Variants in SYN3 observed in about 807,000 individuals in gnomAD.
The protein encoded by SYN3 is synapsin-3.
Under a neutral mutation model 65.8 loss-of-function variants are expected in SYN3, and 35 were observed. The ratio of observed to expected loss-of-function variants is 0.53; its 90% CI spans 0.41 to 0.70. SYN3 has a LOEUF of 0.70. Ranked by LOEUF, SYN3 falls within the 30% of genes least tolerant of loss-of-function variation. The probability of loss-of-function intolerance (pLI) is 0.00; values close to 1 mark genes in which losing one functional copy is unlikely to be tolerated. For synonymous variants in SYN3, 270 were observed against 292.9 expected (o/e 0.92, Z 0.80); for missense variants, 680 against 749.0 (o/e 0.91, Z 1.08).
At chr22:32,568,976 TCCC>T (rs1456177594) in intron 7 of SYN3, among the ~76,000 whole-genome samples, 1 of 152,198 alleles carries the variant, frequency 6.6e-6, no homozygotes, top group Non-Finnish European at 1.5e-5. Context: ...CACACATTCT[TCCC>T]ATGCAAGTCA....
At chr22:33,027,161 C>T (rs1177326892) in intron 1 of SYN3, among the ~76,000 whole-genome samples, 1 of 152,104 alleles carries the variant, frequency 6.6e-6, no homozygotes, top group African/African-American at 2.4e-5. Flanking sequence ...AAATTCATTG[C>T]TGTCATTTAC....
chr22:32,595,475 C>G (rs1313782115), intron 7 of SYN3, among the ~76,000 whole-genome samples: 1 of 152,124 alleles, frequency 6.6e-6, no homozygotes, highest in Non-Finnish European at 1.5e-5. Flanking sequence ...GGAGTCTGAC[C>G]AATATAGTTT....
At chr22:32,984,973 G>A (rs2052480002) in intron 2 of SYN3, among the ~76,000 whole-genome samples, 1 of 152,184 alleles carries the variant, frequency 6.6e-6, no homozygotes, top group African/African-American at 2.4e-5. Flanking sequence ...TACCAGGGAA[G>A]GGTGTGGTGA....
At chr22:33,001,910 C>T (rs1003607471) in intron 2 of SYN3, among the ~76,000 whole-genome samples, 11 of 152,120 alleles carry the variant, frequency 7.2e-5, no homozygotes, top group Admixed American at 4.6e-4. Context: ...CATGCAAAGA[C>T]GTAACTTCCC....
intron 4 of SYN3, among the ~76,000 whole-genome samples, chr22:32,916,551 T>C (rs1030062907): frequency 1.3e-5 from 2 of 152,192 alleles, no homozygotes; most frequent in African/African-American, 2.4e-5. Flanking sequence ...CAAAATAAAA[T>C]CATACAACAT....
chr22:32,557,829 T>C lies in SYN3; in HGVS notation c.775-16116A>G, dbSNP rs1329191145. 3.9e-5 allele frequency among the ~76,000 whole-genome samples: 6 copies of C among 152,376 alleles called. No homozygotes were observed. The East Asian group carries it at 1.2e-3, about 29-fold the overall frequency. ...CAAACTCTTTCCTGCCTTTGGGCTT[T>C]TGCATCTGCTGTTCTCTGCCCCCAG... is the stretch of plus-strand genomic sequence containing the variant. On this transcript the variant is annotated intron_variant, in intron 7 of 13. Coordinates refer to ENST00000358763, the MANE Select transcript of SYN3 (RefSeq NM_003490.4).
chr22:33,008,064 G>A (rs988227358), intron 1 of SYN3, among the ~76,000 whole-genome samples: 5 of 151,934 alleles, frequency 3.3e-5, no homozygotes, highest in Non-Finnish European at 7.4e-5. Flanking sequence ...AGCCTCCAAA[G>A]TAGCTGGGAT....
rs150981008 is a variant in SYN3, at chr22:32,941,981, A to G, written c.370-10500T>C. Reference sequence around the variant, plus strand: ...CAAACTGGGAAGCCCACCGCAGCTCAAGGAGGCCTGCCTACCTCTGTAGAC... The same window carrying G: ...CAAACTGGGAAGCCCACCGCAGCTCGAGGAGGCCTGCCTACCTCTGTAGAC... On this transcript the variant is annotated intron_variant, in intron 3 of 13. Transcript: ENST00000358763. 5.1e-3 allele frequency among the ~76,000 whole-genome samples: 776 copies of G among 152,336 alleles called. 7 individuals are homozygous for G. Among genetic ancestry groups the G allele is most frequent in the African/African-American group, 0.018 (747 of 41,584 alleles).
intron 6 of SYN3, among the ~76,000 whole-genome samples, chr22:32,796,333 G>A (rs998258771): frequency 2.0e-5 from 3 of 152,112 alleles, no homozygotes; most frequent in African/African-American, 7.2e-5. Flanking sequence ...TGTGTTTTCT[G>A]GCTTAAAAAC....
chr22:32,592,531 T>A (rs537324394), intron 7 of SYN3, among the ~76,000 whole-genome samples: 1 of 152,342 alleles, frequency 6.6e-6, no homozygotes, highest in South Asian at 2.1e-4. Context: ...TGTCTTCTAG[T>A]CTTTTTTATT....
chr22:32,651,688 C>T (rs1053938527), intron 6 of SYN3, among the ~76,000 whole-genome samples: 4 of 152,126 alleles, frequency 2.6e-5, no homozygotes, highest in African/African-American at 7.2e-5. Context: ...CATCTCAGTT[C>T]GCCATGTTCC....
Position 32,878,001 on chromosome 22 carries a change from C to T in SYN3, c.462-8876G>A, listed in dbSNP as rs138991063. Among the ~76,000 whole-genome samples, 31 of 152,220 alleles carry T rather than the reference C, an allele frequency of 2.0e-4. 1 individual carries two copies. The South Asian group carries it at 3.9e-3, about 19-fold the overall frequency. On this transcript the variant is annotated intron_variant, in intron 4 of 13. Coordinates refer to ENST00000358763, the MANE Select transcript of SYN3 (RefSeq NM_003490.4). Reference sequence around the variant, plus strand: ...TCATGATAACTCTACAAGGTAGATACGATAATAATAGCTTTATTTTTCAAG... The same window carrying T: ...TCATGATAACTCTACAAGGTAGATATGATAATAATAGCTTTATTTTTCAAG...
chr22:32,523,477 T>C (rs2057923752), intron 12 of SYN3, among the ~76,000 whole-genome samples: 1 of 152,134 alleles, frequency 6.6e-6, no homozygotes, highest in Non-Finnish European at 1.5e-5. Flanking sequence ...TGTGCAACTG[T>C]ACTCCAGCCT....
rs367816699 is a variant in SYN3 at position 32,962,121 on chromosome 22, T to C, written c.369+18524A>G. ...CAGTGAGAAGGAGCCTGTTTACTTT[T>C]AGAATCTCTTTTTTTTTTTTTTTTT... On this transcript the variant is annotated intron_variant, in intron 3 of 13. Transcript: ENST00000358763. Among the ~76,000 whole-genome samples the C allele has an allele frequency of 2.5e-3, 365 of 148,636 alleles. 1 individual carries two copies. The highest frequency in any genetic ancestry group is 0.01 in the Middle Eastern group (3 of 286).
At chr22:33,055,943 A>T (rs531822840) in intron 1 of SYN3, among the ~76,000 whole-genome samples, 2 of 152,350 alleles carry the variant, frequency 1.3e-5, no homozygotes, top group South Asian at 4.1e-4. Flanking sequence ...TGATTAATCA[A>T]TCAATCCACC....
chr22:33,037,894 G>A (rs2053888377), intron 1 of SYN3, among the ~76,000 whole-genome samples: 1 of 151,740 alleles, frequency 6.6e-6, no homozygotes, highest in East Asian at 1.9e-4. Context: ...TGAAAGGCAG[G>A]AAAGAAAAGG....
intron 6 of SYN3, among the ~76,000 whole-genome samples, chr22:32,756,791 G>A (rs1460938918): frequency 6.6e-6 from 1 of 152,124 alleles, no homozygotes; most frequent in Non-Finnish European, 1.5e-5. Context: ...CAGGTGTCGG[G>A]GCCAGTCCTG....
Position 32,512,741 on chromosome 22 carries a change from G to T in SYN3, c.*951C>A, listed in dbSNP as rs1042492033. The T allele has an allele frequency of 6.6e-6, 1 of 152,218 alleles. No homozygotes were observed. The highest frequency in any genetic ancestry group is 1.5e-5 in the Non-Finnish European group (1 of 68,046). 9.4% of individuals were successfully genotyped at this position (152,218 alleles called of 1,614,324 possible). ...ACAGAGTTTGTGAAATGCCAAACTA[G>T]AAGTGACTATCATTGCACTTCGGAT... On this transcript the variant is annotated 3_prime_UTR_variant, in exon 14 of 14. Transcript: ENST00000358763.
rs894671470 is a variant in SYN3, at chr22:32,978,254, A to G, written c.369+2391T>C. On this transcript the variant is annotated intron_variant, in intron 3 of 13. Coordinates refer to ENST00000358763, the MANE Select transcript of SYN3 (RefSeq NM_003490.4). ...TGAAGGGAGAAGTGGAGGGACCAGGAAATATCAGATGCGGAGTCAGCAGGG... is the reference window on the plus strand; with the variant it reads ...TGAAGGGAGAAGTGGAGGGACCAGGGAATATCAGATGCGGAGTCAGCAGGG... 4.6e-5 allele frequency among the ~76,000 whole-genome samples: 7 copies of G among 152,124 alleles called. 1 individual carries two copies. Among genetic ancestry groups the G allele is most frequent in the East Asian group, 3.9e-4 (2 of 5,166 alleles).
Sources: allele counts gnomAD v4.1 joint callset (sites outside exome capture counted in the v4.1 genomes callset), GRCh38; gene constraint gnomAD v4.1.1; transcripts MANE v1.5; gene names NCBI Gene and HGNC (gene_info 2026-07-23, HGNC 2026-07-21).